Variants in SYN2 observed in about 807,000 individuals in gnomAD.
The protein encoded by SYN2 is synapsin-2.
Under a neutral mutation model 50.9 loss-of-function variants are expected in SYN2, and 19 were observed. The observed-to-expected ratio is 0.37, with a 90% CI of 0.26 to 0.55. The LOEUF (loss-of-function observed/expected upper bound fraction) is 0.55, where lower values mean the gene tolerates loss of function less well. Ranked by LOEUF, SYN2 falls within the 20% of genes least tolerant of loss-of-function variation. SYN2 has a pLI of 0.81. For synonymous variants in SYN2, 255 were observed against 224.9 expected, an observed-to-expected ratio of 1.13 and a Z score of -1.20; for missense variants, 587 against 576.4, an observed-to-expected ratio of 1.02 and a Z score of -0.19.
rs1226294896 is a variant in SYN2, at chr3:12,151,470, G to A, written c.774+144G>A. 99 of 625,286 alleles carry A rather than the reference G, an allele frequency of 1.6e-4. 3 individuals carry two copies. In the South Asian group the frequency reaches 2.0e-3, roughly 13 times the overall value. The allele number at this position is 625,286 out of a possible 1,614,324, so 38.7% of individuals were successfully genotyped here. ...GTTGAACTATAGAGCTTATGCGGCT[G>A]GAATAACTAGATTTTAGCTGACAGC... On this transcript the variant is annotated intron_variant, in intron 5 of 12. Coordinates refer to ENST00000621198, the MANE Select transcript of SYN2 (RefSeq NM_133625.6).
chr3:12,020,929 C>T (rs1048783372), intron 1 of SYN2, among the ~76,000 whole-genome samples: 10 of 152,108 alleles, frequency 6.6e-5, no homozygotes, highest in East Asian at 5.8e-4. Flanking sequence ...AAATAGAAAA[C>T]ATTTATCTCA....
intron 1 of SYN2, among the ~76,000 whole-genome samples, chr3:12,008,071 G>T (rs1247167751): frequency 2.0e-5 from 3 of 152,192 alleles, no homozygotes; most frequent in African/African-American, 7.2e-5. Context: ...ATGCAATTAA[G>T]ATTGCACTTT....
At chr3:12,079,244 G>A (rs1326962257) in intron 1 of SYN2, among the ~76,000 whole-genome samples, 1 of 152,196 alleles carries the variant, frequency 6.6e-6, no homozygotes, top group Non-Finnish European at 1.5e-5. Context: ...CATGTCATCT[G>A]TAAACAAAGA....
At chr3:12,060,586 G>A (rs922232349) in intron 1 of SYN2, among the ~76,000 whole-genome samples, 6 of 152,144 alleles carry the variant, frequency 3.9e-5, no homozygotes, top group Non-Finnish European at 7.4e-5. Flanking sequence ...GGGCTACAGT[G>A]TAACTGCTGG....
At chr3:12,167,615 A>G (rs776155034) in intron 8 of SYN2, among the ~76,000 whole-genome samples, 25 of 148,558 alleles carry the variant, frequency 1.7e-4, no homozygotes, top group Non-Finnish European at 3.1e-4. Context: ...TTTTTTTTTT[A>G]TAATTACCTA....
In SYN2 at chr3:12,127,216, A is replaced by G. The variant is rs555442724; in HGVS notation, c.378-13435A>G. On this transcript the variant is annotated intron_variant, in intron 1 of 12. Coordinates refer to ENST00000621198, the MANE Select transcript of SYN2 (RefSeq NM_133625.6). ...TTTAGAGCTTTTGAATGTGAAGTGT[A>G]TTTCAATGGATCATTAGAGGTGGCT... Among the ~76,000 whole-genome samples the G allele has an allele frequency of 2.0e-5, 3 of 152,322 alleles. No individual in the cohort carries two copies. The South Asian group carries it at 6.2e-4, about 32-fold the overall frequency.
At chr3:12,148,200 T>C (rs189024897) in intron 4 of SYN2, among the ~76,000 whole-genome samples, 39 of 152,276 alleles carry the variant, frequency 2.6e-4, no homozygotes, top group Non-Finnish European at 3.8e-4. Flanking sequence ...AGCCTGTGGC[T>C]AGGGCTTTGC....
intron 7 of SYN2, among the ~76,000 whole-genome samples, chr3:12,164,984 C>CT (rs68043865): frequency 0.022 from 2,067 of 92,332 alleles, 59 homozygotes; most frequent in African/African-American, 0.026. Flanking sequence ...TTTTTCTTTT[C>CT]TTTTTTTTTT....
chr3:12,138,203 T>TGCCG, intron 1 of SYN2, among the ~76,000 whole-genome samples: 1 of 152,376 alleles, frequency 6.6e-6, no homozygotes, highest in Middle Eastern at 3.4e-3. Flanking sequence ...GTGCCCCATC[T>TGCCG]GCCGGCCATC....
chr3:12,121,828 CA>C (rs1341126862), intron 1 of SYN2, among the ~76,000 whole-genome samples: 1 of 152,064 alleles, frequency 6.6e-6, no homozygotes, highest in Non-Finnish European at 1.5e-5. Flanking sequence ...CTGGCAGGTC[CA>C]AAATCTGTAG....
chr3:12,073,087 T>A (rs991551585), intron 1 of SYN2, among the ~76,000 whole-genome samples: 2 of 152,164 alleles, frequency 1.3e-5, no homozygotes, highest in African/African-American at 4.8e-5. Context: ...TAATCATGGC[T>A]CCCAACATTC....
chr3:12,154,269 T>A (rs1322973876), intron 5 of SYN2: 1 of 1,609,602 alleles, frequency 6.2e-7, no homozygotes. Context: ...CATGCATGAA[T>A]GAAGGCTCAG....
At chr3:12,037,370 T>C (rs1258782594) in intron 1 of SYN2, among the ~76,000 whole-genome samples, 1 of 152,238 alleles carries the variant, frequency 6.6e-6, no homozygotes, top group African/African-American at 2.4e-5. Flanking sequence ...CCCACTTCTT[T>C]GCACCAATTT....
At chr3:12,184,152 G>T (rs979288537) in intron 11 of SYN2, 48 of 985,732 alleles carry the variant, frequency 4.9e-5, no homozygotes, top group Non-Finnish European at 5.8e-5. Flanking sequence ...TTCCAGGAAT[G>T]TGTTCTGTAT....
At chr3:12,188,372 C>G (rs1698385995) in intron 12 of SYN2, among the ~76,000 whole-genome samples, 1 of 152,248 alleles carries the variant, frequency 6.6e-6, no homozygotes, top group South Asian at 2.1e-4. Context: ...ACAGAGGCCT[C>G]TGATTGCTTG....
chr3:12,042,315 A>G (rs891511836), intron 1 of SYN2, among the ~76,000 whole-genome samples: 1 of 152,196 alleles, frequency 6.6e-6, no homozygotes, highest in African/African-American at 2.4e-5. Context: ...AGTTGAAGAA[A>G]TTGCATCTTA....
chr3:12,057,321 G>GTGTGTGTGTGTGTA (rs1215713756), intron 1 of SYN2, among the ~76,000 whole-genome samples: 4 of 149,982 alleles, frequency 2.7e-5, no homozygotes, highest in African/African-American at 9.7e-5. Context: ...GTGTGTGTGT[G>GTGTGTGTGTGTGTA]TGTATACTTT....
At chr3:12,045,496 C>G (rs1694716763) in intron 1 of SYN2, among the ~76,000 whole-genome samples, 1 of 152,064 alleles carries the variant, frequency 6.6e-6, no homozygotes, top group Non-Finnish European at 1.5e-5. Flanking sequence ...ATGTTTTTCC[C>G]CCTTTGGAGG....
chr3:12,096,931 A>C (rs576535767), intron 1 of SYN2, among the ~76,000 whole-genome samples: 164 of 152,304 alleles, frequency 1.1e-3, no homozygotes, highest in Non-Finnish European at 1.8e-3. Context: ...ATAAACAATG[A>C]GAGTCCCAGA....
Sources: allele counts gnomAD v4.1 joint callset (sites outside exome capture counted in the v4.1 genomes callset), GRCh38; gene constraint gnomAD v4.1.1; transcripts MANE v1.5; gene names NCBI Gene and HGNC (gene_info 2026-07-23, HGNC 2026-07-21).